EPHB2: variants seen among roughly 807,000 people sequenced by gnomAD.
The protein encoded by EPHB2 is ephrin type-B receptor 2.
A neutral mutation model predicts 96.4 loss-of-function variants in EPHB2; 18 were observed. The observed-to-expected ratio is 0.19, with a 90% CI of 0.13 to 0.28. EPHB2 has a LOEUF of 0.28. Among genes scored for constraint, EPHB2 ranks in the 10% least tolerant of loss-of-function variants. The pLI, the probability that EPHB2 is intolerant of heterozygous loss-of-function variation, is 1.00. For missense variants in EPHB2, 989 were observed against 1,355.4 expected (o/e 0.73, Z 4.25); for synonymous variants, 506 against 534.1 (o/e 0.95, Z 0.72).
At chr1:22,768,140 C>T (rs1254149469) in intron 1 of EPHB2, among the ~76,000 whole-genome samples, 1 of 152,198 alleles carries the variant, frequency 6.6e-6, no homozygotes, top group Non-Finnish European at 1.5e-5. Context: ...GGAAACGTCT[C>T]CTCCGAGGCA....
intron 1 of EPHB2, among the ~76,000 whole-genome samples, chr1:22,751,360 G>A (rs1188620168): frequency 6.6e-6 from 1 of 152,222 alleles, no homozygotes; most frequent in Non-Finnish European, 1.5e-5. Context: ...CTGCCCAGAA[G>A]TGTCCCGGTG....
intron 9 of EPHB2, among the ~76,000 whole-genome samples, chr1:22,898,861 A>G (rs561812467): frequency 6.6e-6 from 1 of 152,370 alleles, no homozygotes; most frequent in South Asian, 2.1e-4. Flanking sequence ...TAGGAGCTCC[A>G]GGTACGAAGC....
At chr1:22,793,543 G>T (rs539175715) in intron 3 of EPHB2, among the ~76,000 whole-genome samples, 1 of 152,276 alleles carries the variant, frequency 6.6e-6, no homozygotes, top group Admixed American at 6.5e-5. Context: ...CTAGCCTCTT[G>T]CTTATCCCCA....
In EPHB2 at chr1:22,913,868, T is replaced by C; in HGVS notation, c.*298T>C. The C allele has an allele frequency of 6.3e-7, 1 of 1,596,092 alleles. No individual in the cohort carries two copies. The highest frequency in any genetic ancestry group is 8.5e-7 in the Non-Finnish European group (1 of 1,172,992). On this transcript the variant is annotated 3_prime_UTR_variant, in exon 16 of 16. Coordinates refer to ENST00000374630, the MANE Select transcript of EPHB2 (RefSeq NM_017449.5). This position sits in a 1 kb window ranked among gnomAD's most constrained non-coding sequence, Gnocchi z 4.1. ...AAGCAATGACTGTTCTTGCGGGGGA[T>C]AAAAAAGGGCTTGGGAGATTCATGC...
At chr1:22,728,729 G>A (rs190034052) in intron 1 of EPHB2, among the ~76,000 whole-genome samples, 153 of 152,316 alleles carry the variant, frequency 1.0e-3, no homozygotes, top group African/African-American at 3.5e-3. Flanking sequence ...TCTAAGGCCC[G>A]TTGTCCTGCC....
chr1:22,826,274 C>T (rs1645222678), intron 3 of EPHB2, among the ~76,000 whole-genome samples: 2 of 152,126 alleles, frequency 1.3e-5, no homozygotes, highest in African/African-American at 4.8e-5. Flanking sequence ...TGCCTCTCCC[C>T]ACGGCCTTGG....
In EPHB2 at chr1:22,784,782, G is replaced by A. The variant is rs1394423621; in HGVS notation, c.517G>A (p.Gly173Ser). The A allele has an allele frequency of 1.9e-6, 3 of 1,606,328 alleles. No homozygotes were observed. The highest frequency in any genetic ancestry group is 2.6e-6 in the Non-Finnish European group (3 of 1,174,674). The change falls in exon 3 of 16, where the codon GGC (glycine) becomes AGC (serine). Residue 173 changes from glycine to serine, a missense_variant. Coordinates refer to ENST00000374630, the MANE Select transcript of EPHB2 (RefSeq NM_017449.5). This position sits in a 1 kb window ranked among gnomAD's most constrained non-coding sequence, Gnocchi z 5.1. ...VRSFGPVSRS[G>S]FYLAFQDYGG... ...GAGCTTCGGACCTGTGTCCCGCAGC[G>A]GCTTCTACCTGGCCTTCCAGGACTA...
chr1:22,817,785 G>A (rs374601813), intron 3 of EPHB2, among the ~76,000 whole-genome samples: 28 of 152,284 alleles, frequency 1.8e-4, no homozygotes, highest in South Asian at 6.2e-4. Flanking sequence ...TCAGGGATCC[G>A]AGCCCTTGGA....
intron 3 of EPHB2, among the ~76,000 whole-genome samples, chr1:22,845,597 A>G (rs932471299): frequency 2.6e-5 from 4 of 152,122 alleles, no homozygotes; most frequent in Non-Finnish European, 5.9e-5. Flanking sequence ...GAACTTTCAG[A>G]GCCATTTTTA....
intron 3 of EPHB2, among the ~76,000 whole-genome samples, chr1:22,844,579 T>C (rs1645514535): frequency 1.3e-5 from 2 of 152,212 alleles, no homozygotes; most frequent in Admixed American, 1.3e-4. Flanking sequence ...GAGAGTGTTA[T>C]TATCCCCATT....
intron 14 of EPHB2, among the ~76,000 whole-genome samples, chr1:22,911,477 C>A (rs1381201041): frequency 6.6e-6 from 1 of 152,210 alleles, no homozygotes; most frequent in East Asian, 1.9e-4. Context: ...TGTGCCCCCA[C>A]ACTGAGTCAG....
intron 3 of EPHB2, among the ~76,000 whole-genome samples, chr1:22,810,430 T>C (rs533064563): frequency 6.6e-6 from 1 of 152,286 alleles, no homozygotes; most frequent in East Asian, 1.9e-4. Context: ...CATCCACCTG[T>C]CTGGCACCAC....
intron 3 of EPHB2, among the ~76,000 whole-genome samples, chr1:22,795,091 C>T (rs1024892141): frequency 1.3e-5 from 2 of 152,186 alleles, no homozygotes; most frequent in Non-Finnish European, 2.9e-5. Context: ...GTTTGGGCAC[C>T]CCCGTCCCTG....
At chr1:22,785,288 C>T (rs148981459) in intron 3 of EPHB2, among the ~76,000 whole-genome samples, 38 of 152,224 alleles carry the variant, frequency 2.5e-4, no homozygotes, top group African/African-American at 5.8e-4. Flanking sequence ...GCGCACATGC[C>T]GCAGGTGGTA....
intron 14 of EPHB2, 120 bp from the exon 15 acceptor site, chr1:22,912,324 G>A: frequency 7.0e-7 from 1 of 1,425,892 alleles, no homozygotes; most frequent in Non-Finnish European, 9.7e-7. Flanking sequence ...CCCTTCACCT[G>A]TGTTCACATA....
intron 3 of EPHB2, among the ~76,000 whole-genome samples, chr1:22,788,957 G>A (rs993794125): frequency 6.6e-6 from 1 of 152,208 alleles, no homozygotes; most frequent in East Asian, 1.9e-4. Flanking sequence ...GTTTCACCAT[G>A]TTGACCAGGC....
At chr1:22,808,157 A>AAAGAAG (rs1644954200) in intron 3 of EPHB2, among the ~76,000 whole-genome samples, 2 of 152,096 alleles carry the variant, frequency 1.3e-5, no homozygotes, top group Admixed American at 1.3e-4. Context: ...AGAAAAAGAA[A>AAAGAAG]AGAAAAGCAA....
Position 22,846,462 on chromosome 1 carries a change from C to T in EPHB2, c.812-16575C>T, listed in dbSNP as rs906540097. 1.3e-5 allele frequency among the ~76,000 whole-genome samples: 2 copies of T among 151,764 alleles called. 1 individual carries two copies. Among genetic ancestry groups the T allele is most frequent in the South Asian group, 4.2e-4 (2 of 4,806 alleles). On this transcript the variant is annotated intron_variant, in intron 3 of 15. Transcript: ENST00000374630. The surrounding 1 kb of genome is among the most constrained non-coding windows in gnomAD (Gnocchi z 4.3). ...GAAAAGAAAGTCCTAGGTCAGGGAC[C>T]GGGCAGACTTCTTCCTGATTTCTCC...
intron 7 of EPHB2, among the ~76,000 whole-genome samples, chr1:22,894,753 A>C (rs977431663): frequency 2.0e-5 from 3 of 152,164 alleles, no homozygotes; most frequent in African/African-American, 4.8e-5. Flanking sequence ...ACCTGGGTTC[A>C]AATGCCTGGC....
Sources: allele counts gnomAD v4.1 joint callset (sites outside exome capture counted in the v4.1 genomes callset), GRCh38; gene constraint gnomAD v4.1.1; non-coding constraint Gnocchi (gnomAD v3.1); transcripts MANE v1.5; gene names NCBI Gene and HGNC (gene_info 2026-07-23, HGNC 2026-07-21).